ATP6AP2: variants seen among roughly 807,000 people sequenced by gnomAD.
ATP6AP2 encodes ATPase H+ transporting accessory protein 2, also known as renin receptor.
In ATP6AP2, 1 loss-of-function variant was observed where a neutral mutation model predicts 23.4. The ratio of observed to expected loss-of-function variants is 0.04; its 90% CI spans 0.02 to 0.20. ATP6AP2 has a LOEUF of 0.20. Ranked by LOEUF, ATP6AP2 falls within the 10% of genes least tolerant of loss-of-function variation. The pLI is 1.00. For missense variants in ATP6AP2, 174 were observed against 271.3 expected (o/e 0.64, Z 2.52); for synonymous variants, 90 against 97.1 (o/e 0.93, Z 0.43).
chrX:40,597,215 A>G (rs146546768), intron 3 of ATP6AP2, 34 bp from the exon 4 acceptor site: 4 of 1,049,299 alleles, frequency 3.8e-6, no homozygotes, highest in Non-Finnish European at 4.0e-6. Flanking sequence ...ACTTTGGTTC[A>G]CATAATAATT....
At chrX:40,595,275 A>G (rs771606502) in intron 3 of ATP6AP2, among the ~76,000 whole-genome samples, 18 of 111,913 alleles carry the variant, frequency 1.6e-4, no homozygotes, top group African/African-American at 5.8e-4. Flanking sequence ...GGTAAATGAG[A>G]TAAAAGATTC....
intron 3 of ATP6AP2, among the ~76,000 whole-genome samples, chrX:40,594,387 C>CT (rs1181146148): frequency 5.3e-5 from 6 of 112,253 alleles, no homozygotes; most frequent in Non-Finnish European, 7.5e-5. Flanking sequence ...AGAAAAGACA[C>CT]TGTCATTACA....
At chrX:40,604,163 A>C (rs866317364) in intron 8 of ATP6AP2, among the ~76,000 whole-genome samples, 1 of 92,910 alleles carries the variant, frequency 1.1e-5, no homozygotes, top group African/African-American at 6.0e-5. Context: ...TCTGTATTTT[A>C]AAAAAAAGTG....
At chrX:40,601,525 G>C (rs965860210) in intron 8 of ATP6AP2, among the ~76,000 whole-genome samples, 7 of 111,832 alleles carry the variant, frequency 6.3e-5, no homozygotes, top group African/African-American at 2.3e-4. Flanking sequence ...TACCATGGTT[G>C]CTGGCCATGG....
intron 3 of ATP6AP2, chrX:40,592,495 A>G (rs1039201077): frequency 1.8e-5 from 2 of 110,792 alleles, no homozygotes; most frequent in Non-Finnish European, 3.8e-5. Flanking sequence ...TCTAGGGGGA[A>G]AAAAAAAGAA....
chrX:40,606,113 A>G lies in ATP6AP2; in HGVS notation c.*358A>G, dbSNP rs6609080. 0.039 allele frequency: 7,660 copies of G among 196,742 alleles called. 412 individuals carry two copies. The highest frequency in any genetic ancestry group is 0.18 in the East Asian group (1,369 of 7,627). 16.2% of individuals were successfully genotyped at this position (196,742 alleles called of 1,213,427 possible). On this transcript the variant is annotated 3_prime_UTR_variant, in exon 9 of 9. Transcript: ENST00000636580. Reference sequence around the variant, plus strand: ...CTGAATTTATTAGACAAACTTACGAATGCTTAACTTCTTTACACAGCATAG... The same window carrying G: ...CTGAATTTATTAGACAAACTTACGAGTGCTTAACTTCTTTACACAGCATAG...
At chrX:40,591,988 G>C (rs1232123177) in intron 3 of ATP6AP2, 1 of 113,071 alleles carries the variant, frequency 8.8e-6, no homozygotes, top group African/African-American at 3.2e-5. Context: ...CGCTGAAACT[G>C]TGTTTCCTGC....
At chrX:40,598,512 G>A in intron 5 of ATP6AP2, 169 bp from the exon 6 acceptor site, 1 of 517,123 alleles carries the variant, frequency 1.9e-6, no homozygotes, top group Non-Finnish European at 3.3e-6. Flanking sequence ...AGGAAATAAT[G>A]TTTTATATGC....
intron 5 of ATP6AP2, chrX:40,598,464 C>T: frequency 2.4e-6 from 1 of 424,046 alleles, no homozygotes; most frequent in Non-Finnish European, 4.1e-6. Flanking sequence ...TATTGAGTGG[C>T]AGTCACTGTG....
chrX:40,602,285 TA>T (rs984931966), intron 8 of ATP6AP2, among the ~76,000 whole-genome samples: 24 of 92,477 alleles, frequency 2.6e-4, no homozygotes, highest in Middle Eastern at 5.3e-3. Context: ...CCGTCTCAAA[TA>T]AAAAAAAAAT....
chrX:40,591,707 T>C (rs1926633938), intron 3 of ATP6AP2: 1 of 241,908 alleles, frequency 4.1e-6, no homozygotes, highest in African/African-American at 2.9e-5. Context: ...CTTGTCATCT[T>C]CCCTGCAGGA....
chrX:40,591,033 T>C (rs1926613566), intron 2 of ATP6AP2: 1 of 440,694 alleles, frequency 2.3e-6, no homozygotes, highest in Admixed American at 4.4e-5. Context: ...CTGTAAAATT[T>C]TAAGAAAATG....
At chrX:40,595,550 C>T (rs1321843772) in intron 3 of ATP6AP2, among the ~76,000 whole-genome samples, 2 of 112,177 alleles carry the variant, frequency 1.8e-5, no homozygotes, top group Admixed American at 1.9e-4. Flanking sequence ...TCATGAGCTG[C>T]TTCAATTTGA....
intron 8 of ATP6AP2, among the ~76,000 whole-genome samples, chrX:40,602,056 CGG>C (rs1926923131): frequency 3.0e-5 from 3 of 99,018 alleles, no homozygotes; most frequent in Admixed American, 1.1e-4. Flanking sequence ...TTGAGGCGGG[CGG>C]AACACCTGAG....
In ATP6AP2 at chrX:40,591,327, C is replaced by G. The variant is rs375148460; in HGVS notation, c.262C>G (p.Leu88Val). The G allele has an allele frequency of 1.6e-5, 19 of 1,209,552 alleles. No homozygotes were observed. The highest frequency in any genetic ancestry group is 2.1e-5 in the Non-Finnish European group (19 of 894,953). The change falls in exon 3 of 9, where the codon CTA becomes GTA. Residue 88 changes from leucine (L) to valine (V), a missense_variant. Coordinates refer to ENST00000636580, the MANE Select transcript of ATP6AP2 (RefSeq NM_005765.3). ...GGTGAAGGGAGTGAACAAACTGGCT[C>G]TACCCCCAGGCAGTGTCATTTCGTA... ...VMVKGVNKLA[L>V]PPGSVISYPL... is the part of the protein sequence containing the mutation.
intron 1 of ATP6AP2, among the ~76,000 whole-genome samples, chrX:40,583,029 C>G (rs1449366345): frequency 8.9e-6 from 1 of 111,897 alleles, no homozygotes; most frequent in Non-Finnish European, 1.9e-5. Context: ...TTCTCTATTC[C>G]AGGCAGAAAC....
intron 5 of ATP6AP2, 194 bp from the exon 6 acceptor site, chrX:40,598,487 C>T (rs1926827735): frequency 4.3e-6 from 2 of 465,422 alleles, no homozygotes; most frequent in Non-Finnish European, 7.4e-6. Flanking sequence ...AGGGAATGGC[C>T]ATCACCTTTT....
chrX:40,586,304 C>T (rs1452822099), intron 1 of ATP6AP2, among the ~76,000 whole-genome samples: 2 of 111,521 alleles, frequency 1.8e-5, no homozygotes, highest in Non-Finnish European at 3.8e-5. Context: ...TGTTGTCTGT[C>T]CTAGAAGAGT....
intron 3 of ATP6AP2, among the ~76,000 whole-genome samples, chrX:40,592,866 C>T (rs1174778892): frequency 1.8e-5 from 2 of 110,392 alleles, no homozygotes; most frequent in Admixed American, 1.9e-4. Flanking sequence ...CAAATCTCAA[C>T]AAACAATAAA....
Sources: allele counts gnomAD v4.1 joint callset (sites outside exome capture counted in the v4.1 genomes callset), GRCh38; gene constraint gnomAD v4.1.1; transcripts MANE v1.5; gene names NCBI Gene and HGNC (gene_info 2026-07-23, HGNC 2026-07-21).